Variants in ICA1L observed in about 807,000 individuals in gnomAD.
The protein encoded by ICA1L is islet cell autoantigen 1-like protein.
A neutral mutation model predicts 61.3 loss-of-function variants in ICA1L; 50 were observed. The observed-to-expected ratio is 0.82, with a 90% CI of 0.65 to 1.03. The LOEUF is 1.03. Ranked by LOEUF, ICA1L falls within the 50% of genes least tolerant of loss-of-function variation. ICA1L has a pLI of 0.00. For missense variants in ICA1L, 508 were observed against 556.7 expected (o/e 0.91, Z 0.88); for synonymous variants, 161 against 191.3 (o/e 0.84, Z 1.31).
At position 202,855,516 on chromosome 2, in the gene ICA1L, A is replaced by C. The variant is rs191998980; in HGVS notation, c.-8+16103T>G. ...AGAATACTATAAACACCTCTATGGA[A>C]ATAAACTAGAAAATCTAGAGGAAAT... On this transcript the variant is annotated intron_variant, in intron 1 of 12. Transcript: ENST00000358299. Among the ~76,000 whole-genome samples, 612 of 152,318 alleles carry C rather than the reference A, an allele frequency of 4.0e-3. 6 individuals carry two copies. Among genetic ancestry groups the C allele is most frequent in the Non-Finnish European group, 4.6e-3 (314 of 68,030 alleles).
Position 202,774,467 on chromosome 2 carries a change from C to G in ICA1L, c.*5066G>C. 1 of 503,246 alleles carries G rather than the reference C, an allele frequency of 2.0e-6. No homozygotes were observed. Among genetic ancestry groups the G allele is most frequent in the Non-Finnish European group, 3.3e-6 (1 of 304,634 alleles). 31.2% of individuals were successfully genotyped at this position (503,246 alleles called of 1,614,324 possible). On this transcript the variant is annotated 3_prime_UTR_variant, in exon 13 of 13. Coordinates refer to ENST00000358299, the MANE Select transcript of ICA1L (RefSeq NM_001288622.3). ...CAGCTCAAGAAACAACTTTTTCTTTCATGTTTTTTGTATGTGTTTTTTTAG... is the reference window on the plus strand; with the variant it reads ...CAGCTCAAGAAACAACTTTTTCTTTGATGTTTTTTGTATGTGTTTTTTTAG...
chr2:202,805,071 AC>A (rs1027956374), intron 9 of ICA1L, among the ~76,000 whole-genome samples: 1 of 152,214 alleles, frequency 6.6e-6, no homozygotes, highest in African/African-American at 2.4e-5. Context: ...TCATGGATGA[AC>A]CTCAAAAGCA....
intron 1 of ICA1L, among the ~76,000 whole-genome samples, chr2:202,865,210 C>T (rs907775482): frequency 6.7e-6 from 1 of 149,872 alleles, no homozygotes; most frequent in African/African-American, 2.5e-5. Flanking sequence ...GGCTCACATC[C>T]GTAATCCCAG....
chr2:202,773,484 G>GAC lies in ICA1L; in HGVS notation c.*6047_*6048dup. On this transcript the variant is annotated 3_prime_UTR_variant, in exon 13 of 13. Coordinates refer to ENST00000358299, the MANE Select transcript of ICA1L (RefSeq NM_001288622.3). ...AATTAGGGATGTTTATCTCCAACAA[G>GAC]ACACTGTCAAAATGTTTCTTCTGAT... The GAC allele has an allele frequency of 3.8e-6, 1 of 263,108 alleles. No individual in the cohort carries two copies. The highest frequency in any genetic ancestry group is 6.7e-5 in the South Asian group (1 of 14,904). 16.3% of individuals were successfully genotyped at this position (263,108 alleles called of 1,614,324 possible).
rs557116639 is a variant in ICA1L at position 202,820,233 on chromosome 2, G to A, written c.360-334C>T. ...TACTAAAAATGCAAAAAATTAGCCA[G>A]GTGTGATGGTGGGTGCCTGTAATCC... On this transcript the variant is annotated intron_variant, in intron 4 of 12. Coordinates refer to ENST00000358299, the MANE Select transcript of ICA1L (RefSeq NM_001288622.3). Among the ~76,000 whole-genome samples the A allele has an allele frequency of 2.1e-4, 32 of 152,194 alleles. 1 individual carries two copies. In the South Asian group the frequency reaches 6.6e-3, roughly 32 times the overall value.
intron 2 of ICA1L, among the ~76,000 whole-genome samples, chr2:202,827,599 A>C (rs978019574): frequency 6.6e-6 from 1 of 152,196 alleles, no homozygotes; most frequent in African/African-American, 2.4e-5. Context: ...TGAATATAAA[A>C]CATGTCACCC....
intron 11 of ICA1L, 90 bp from the exon 12 acceptor site, chr2:202,786,097 C>T: frequency 1.4e-6 from 1 of 726,668 alleles, no homozygotes; most frequent in Non-Finnish European, 2.4e-6. Flanking sequence ...TCTAAGTCCT[C>T]CAGTCTTTGT....
At chr2:202,827,655 C>G (rs936508180) in intron 2 of ICA1L, among the ~76,000 whole-genome samples, 5 of 152,080 alleles carry the variant, frequency 3.3e-5, no homozygotes, top group African/African-American at 9.7e-5. Context: ...CTTATATATT[C>G]CCACTTCTAT....
intron 1 of ICA1L, among the ~76,000 whole-genome samples, chr2:202,847,194 T>G (rs931967432): frequency 2.0e-5 from 3 of 152,178 alleles, no homozygotes; most frequent in African/African-American, 7.2e-5. Flanking sequence ...AATAAAAGCC[T>G]GGACCAAGCC....
intron 9 of ICA1L, among the ~76,000 whole-genome samples, chr2:202,800,865 T>TA (rs550859651): frequency 7.4e-4 from 112 of 152,300 alleles, no homozygotes; most frequent in Middle Eastern, 3.4e-3. Flanking sequence ...AAGGAAGATT[T>TA]AAGTAAATCA....
chr2:202,806,207 G>A (rs1325066647), intron 9 of ICA1L, among the ~76,000 whole-genome samples: 1 of 152,118 alleles, frequency 6.6e-6, no homozygotes, highest in Non-Finnish European at 1.5e-5. Flanking sequence ...CGCTTGAGGA[G>A]GGGAGAAAGG....
chr2:202,865,158 G>A (rs1326502860), intron 1 of ICA1L, among the ~76,000 whole-genome samples: 1 of 147,962 alleles, frequency 6.8e-6, no homozygotes, highest in Non-Finnish European at 1.5e-5. Context: ...GTGAGACTCT[G>A]TCTTTTAAAA....
At chr2:202,799,376 G>GTAA (rs1693028465) in intron 9 of ICA1L, among the ~76,000 whole-genome samples, 1 of 152,148 alleles carries the variant, frequency 6.6e-6, no homozygotes, top group Non-Finnish European at 1.5e-5. Context: ...GATTAGTGAT[G>GTAA]TTTAGCACTG....
chr2:202,859,317 G>T (rs1027318571), intron 1 of ICA1L, among the ~76,000 whole-genome samples: 2 of 152,188 alleles, frequency 1.3e-5, no homozygotes, highest in African/African-American at 4.8e-5. Flanking sequence ...AGCCAAACAT[G>T]ATTTGGTTAC....
In ICA1L at chr2:202,776,277, T is replaced by A. The variant is rs537447214; in HGVS notation, c.*3256A>T. ...TGGTATTCCTGCGTCTCCTAAAAAA[T>A]GGTTGTAGACACACTAGGCAAAGTT... On this transcript the variant is annotated 3_prime_UTR_variant, in exon 13 of 13. Coordinates refer to ENST00000358299, the MANE Select transcript of ICA1L (RefSeq NM_001288622.3). The A allele has an allele frequency of 4.9e-4, 75 of 152,286 alleles. No individual in the cohort carries two copies. The highest frequency in any genetic ancestry group is 1.7e-3 in the African/African-American group (71 of 41,528). The allele number at this position is 152,286 out of a possible 1,614,324, so 9.4% of individuals were successfully genotyped here.
intron 1 of ICA1L, among the ~76,000 whole-genome samples, chr2:202,861,724 T>A (rs1252504094): frequency 2.0e-5 from 3 of 150,976 alleles, no homozygotes; most frequent in Non-Finnish European, 4.4e-5. Context: ...CCATCTCTAC[T>A]AAAAACAAAA....
Position 202,773,591 on chromosome 2 carries a change from A to G in ICA1L, c.*5942T>C. The G allele has an allele frequency of 2.0e-6, 1 of 498,852 alleles. No homozygotes were observed. The highest frequency in any genetic ancestry group is 3.0e-5 in the South Asian group (1 of 32,950). The allele number at this position is 498,852 out of a possible 1,614,324, so 30.9% of individuals were successfully genotyped here. A position where few individuals can be genotyped will look rare whatever the true frequency, so the allele number is the denominator to read the frequency against. On this transcript the variant is annotated 3_prime_UTR_variant, in exon 13 of 13. Transcript: ENST00000358299. ...GAAGCGTCTGCAACTTAAGCCGTCC[A>G]CAGTCCTAAGCCTGATATGCTCAAA...
chr2:202,820,846 G>C (rs777812438), intron 4 of ICA1L, among the ~76,000 whole-genome samples: 8 of 152,148 alleles, frequency 5.3e-5, no homozygotes, highest in Non-Finnish European at 1.2e-4. Flanking sequence ...CTTCTTAAAT[G>C]CAAAAGATTT....
At chr2:202,847,770 T>C (rs556759696) in intron 1 of ICA1L, among the ~76,000 whole-genome samples, 1 of 143,658 alleles carries the variant, frequency 7.0e-6, no homozygotes, top group Non-Finnish European at 1.5e-5. Flanking sequence ...AACAAAAAGA[T>C]ACAGGCACTT....
Sources: gnomAD v4.1 joint callset for allele counts (sites outside exome capture counted in the v4.1 genomes callset) on GRCh38, gnomAD v4.1.1 for gene constraint, MANE v1.5 for transcripts, NCBI Gene and HGNC (gene_info 2026-07-23, HGNC 2026-07-21) for gene names.